FOXK1: variants seen among roughly 807,000 people sequenced by gnomAD.
FOXK1 encodes the protein forkhead box protein K1.
In FOXK1, 19 loss-of-function variants were observed where a neutral mutation model predicts 51.9. That is an observed-to-expected ratio of 0.37 (90% CI 0.26 to 0.54). The LOEUF is 0.54. Among genes scored for constraint, FOXK1 ranks in the 20% least tolerant of loss-of-function variants. The pLI, the probability that FOXK1 is intolerant of heterozygous loss-of-function variation, is 0.87. For missense variants in FOXK1, 870 were observed against 1,032.7 expected (o/e 0.84, Z 2.16); for synonymous variants, 537 against 482.6 (o/e 1.11, Z -1.48).
chr7:4,750,961 C>T (rs1438706550), intron 2 of FOXK1, among the ~76,000 whole-genome samples: 1 of 151,944 alleles, frequency 6.6e-6, no homozygotes, highest in African/African-American at 2.4e-5. Context: ...ACCTCGGCCC[C>T]CTCAAAGTGC....
At chr7:4,741,097 G>C in intron 2 of FOXK1, 74 bp downstream of exon 2, 2 of 1,084,490 alleles carry the variant, frequency 1.8e-6, no homozygotes, top group South Asian at 3.8e-5. Context: ...GTCGTACGCA[G>C]CACCGGGTTC....
rs373570479 is a variant in FOXK1 at position 4,753,952 on chromosome 7, C to T, written c.747-507C>T. Among the ~76,000 whole-genome samples the T allele has an allele frequency of 4.9e-3, 751 of 152,314 alleles. 7 individuals are homozygous for T. The highest frequency in any genetic ancestry group is 0.025 in the South Asian group (121 of 4,830). On this transcript the variant is annotated intron_variant, in intron 2 of 8. Coordinates refer to ENST00000328914, the MANE Select transcript of FOXK1 (RefSeq NM_001037165.2). This position sits in a 1 kb window ranked among gnomAD's most constrained non-coding sequence, Gnocchi z 4.9. ...GAGGGCGGTGTCTCCAGGAGAGCCA[C>T]CTGCCACGCCTTCACCCTGCAGGGC...
At chr7:4,738,805 A>G (rs1423752665) in intron 1 of FOXK1, among the ~76,000 whole-genome samples, 2 of 152,260 alleles carry the variant, frequency 1.3e-5, no homozygotes, top group African/African-American at 2.4e-5. Flanking sequence ...TCTGACCAGT[A>G]TCTCGGGGAG....
At chr7:4,706,043 CGTGTATATAT>C (rs1780097162) in intron 1 of FOXK1, among the ~76,000 whole-genome samples, 6 of 95,210 alleles carry the variant, frequency 6.3e-5, no homozygotes, top group African/African-American at 4.4e-4. Context: ...CGTGTATATA[CGTGTATATAT>C]GTATATATAT....
At chr7:4,759,706 C>G in intron 7 of FOXK1, 111 bp downstream of exon 7, 5 of 1,263,488 alleles carry the variant, frequency 4.0e-6, no homozygotes, top group Non-Finnish European at 5.4e-6. Flanking sequence ...GAGGATGATT[C>G]TCTGCTTCTG....
At chr7:4,739,073 A>T (rs1262352898) in intron 1 of FOXK1, among the ~76,000 whole-genome samples, 1 of 152,178 alleles carries the variant, frequency 6.6e-6, no homozygotes, top group East Asian at 1.9e-4. Flanking sequence ...CATATGAAAG[A>T]GGGGTGTCTG....
Position 4,733,109 on chromosome 7 carries a change from C to T in FOXK1, c.561-7729C>T, listed in dbSNP as rs572999754. On this transcript the variant is annotated intron_variant, in intron 1 of 8. Transcript: ENST00000328914. This position sits in a 1 kb window ranked among gnomAD's most constrained non-coding sequence, Gnocchi z 5.0. ...TCTTCCTGGATTCTTTCAGTTAGGA[C>T]GTAGTTTTGATTTTGCAACAAAGGT... Among the ~76,000 whole-genome samples the T allele has an allele frequency of 8.3e-4, 127 of 152,192 alleles. No individual in the cohort carries two copies. Among genetic ancestry groups the T allele is most frequent in the Non-Finnish European group, 1.6e-3 (109 of 68,018 alleles).
intron 1 of FOXK1, among the ~76,000 whole-genome samples, chr7:4,718,747 C>T (rs1160885192): frequency 1.3e-5 from 2 of 152,348 alleles, no homozygotes; most frequent in East Asian, 1.9e-4. Flanking sequence ...TCTCTGCAGC[C>T]TCACCAGCAT....
In FOXK1 at chr7:4,710,727, C is replaced by T. The variant is rs114246401; in HGVS notation, c.560+27859C>T. Among the ~76,000 whole-genome samples, 266 of 152,198 alleles carry T rather than the reference C, an allele frequency of 1.7e-3. 3 individuals carry two copies. The highest frequency in any genetic ancestry group is 6.1e-3 in the African/African-American group (252 of 41,538). On this transcript the variant is annotated intron_variant, in intron 1 of 8. Coordinates refer to ENST00000328914, the MANE Select transcript of FOXK1 (RefSeq NM_001037165.2). Reference sequence around the variant, plus strand: ...GAGGGTCACATTCAGGGCGAGGGTGCGGTGGTGGCTCTGCAGCCCCAGCGG... The same window carrying T: ...GAGGGTCACATTCAGGGCGAGGGTGTGGTGGTGGCTCTGCAGCCCCAGCGG...
chr7:4,705,118 A>C (rs1274567094), intron 1 of FOXK1, among the ~76,000 whole-genome samples: 2 of 152,122 alleles, frequency 1.3e-5, no homozygotes, highest in Non-Finnish European at 2.9e-5. Context: ...AGCATGAGCC[A>C]CTGCACCTGG....
rs192755561 is a variant in FOXK1, at chr7:4,766,182, A to G, written c.*3718A>G. ...ACCATCCCTCTTCTGCTTGCTTTCT[A>G]CATTCCTAAAAACCTCAACGTTAAT... is the stretch of plus-strand genomic sequence containing the variant. On this transcript the variant is annotated 3_prime_UTR_variant, in exon 9 of 9. Coordinates refer to ENST00000328914, the MANE Select transcript of FOXK1 (RefSeq NM_001037165.2). This position sits in a 1 kb window ranked among gnomAD's most constrained non-coding sequence, Gnocchi z 5.5. 2.0e-5 allele frequency: 3 copies of G among 152,006 alleles called. No individual in the cohort carries two copies. The highest frequency in any genetic ancestry group is 4.4e-5 in the Non-Finnish European group (3 of 67,966). 9.4% of individuals were successfully genotyped at this position (152,006 alleles called of 1,614,324 possible).
intron 1 of FOXK1, among the ~76,000 whole-genome samples, chr7:4,710,526 A>G (rs917333956): frequency 6.6e-6 from 1 of 152,182 alleles, no homozygotes; most frequent in Non-Finnish European, 1.5e-5. Context: ...AGTGAGCCTC[A>G]ATCGCGCCAC....
At chr7:4,706,065 T>C (rs1195269636) in intron 1 of FOXK1, among the ~76,000 whole-genome samples, 9 of 114,862 alleles carry the variant, frequency 7.8e-5, no homozygotes, top group African/African-American at 5.3e-4. Context: ...TATATATATG[T>C]GTATATATGT....
Position 4,692,938 on chromosome 7 carries a change from C to T in FOXK1, c.560+10070C>T, listed in dbSNP as rs189000218. 2.6e-4 allele frequency among the ~76,000 whole-genome samples: 40 copies of T among 152,046 alleles called. No homozygotes were observed. The East Asian group carries it at 7.1e-3, about 27-fold the overall frequency. ...ATTTTTGGTTGAGATGGGGTCTTGC[C>T]GCGTTTCCCTGACTGGTCTCAAACT... is the stretch of plus-strand genomic sequence containing the variant. On this transcript the variant is annotated intron_variant, in intron 1 of 8. Transcript: ENST00000328914.
Position 4,770,057 on chromosome 7 carries a change from A to G in FOXK1, c.*7593A>G, listed in dbSNP as rs889203163. On this transcript the variant is annotated 3_prime_UTR_variant, in exon 9 of 9. Transcript: ENST00000328914. Reference sequence around the variant, plus strand: ...AAAGCAGCTTCTAGAACTGGCCCCTAAGTCTCCAAATGTGTTGGCTAAGCT... The same window carrying G: ...AAAGCAGCTTCTAGAACTGGCCCCTGAGTCTCCAAATGTGTTGGCTAAGCT... The G allele has an allele frequency of 1.3e-5, 2 of 152,226 alleles. No individual in the cohort carries two copies. Among genetic ancestry groups the G allele is most frequent in the Non-Finnish European group, 2.9e-5 (2 of 68,054 alleles). The allele number at this position is 152,226 out of a possible 1,614,324, so 9.4% of individuals were successfully genotyped here. A position where few individuals can be genotyped will look rare whatever the true frequency, so the allele number is the denominator to read the frequency against.
At chr7:4,757,634 CAAAAAAAA>C (rs59200954) in intron 5 of FOXK1, among the ~76,000 whole-genome samples, 1,660 of 20,038 alleles carry the variant, frequency 0.083, 28 homozygotes, top group African/African-American at 0.12. Context: ...AACTCCGTCT[CAAAAAAAA>C]AAAAAAAAAA....
intron 1 of FOXK1, among the ~76,000 whole-genome samples, chr7:4,719,175 G>A (rs1780276956): frequency 6.8e-6 from 1 of 147,826 alleles, no homozygotes; most frequent in Non-Finnish European, 1.5e-5. Flanking sequence ...TCACTCTGTT[G>A]CCCAGCTGGA....
In FOXK1 at chr7:4,764,585, G is replaced by A; in HGVS notation, c.*2121G>A. ...GAACGGGGGGTGGGGGTTGGAGGTGGCTCCCCGACACCGGTGCCTGTGTGG... is the reference window on the plus strand; with the variant it reads ...GAACGGGGGGTGGGGGTTGGAGGTGACTCCCCGACACCGGTGCCTGTGTGG... On this transcript the variant is annotated 3_prime_UTR_variant, in exon 9 of 9. Transcript: ENST00000328914. 1 of 153,408 alleles carries A rather than the reference G, an allele frequency of 6.5e-6. No individual in the cohort carries two copies. The highest frequency in any genetic ancestry group is 1.4e-5 in the Non-Finnish European group (1 of 68,990). The allele number at this position is 153,408 out of a possible 1,614,324, so 9.5% of individuals were successfully genotyped here. A position where few individuals can be genotyped will look rare whatever the true frequency, so the allele number is the denominator to read the frequency against.
chr7:4,721,546 G>A (rs527428804), intron 1 of FOXK1, among the ~76,000 whole-genome samples: 40 of 151,794 alleles, frequency 2.6e-4, no homozygotes, highest in Non-Finnish European at 4.6e-4. Context: ...GCTCACAGAT[G>A]GCAGCCTAAG....
Sources: gnomAD v4.1 joint callset for allele counts (sites outside exome capture counted in the v4.1 genomes callset) on GRCh38, gnomAD v4.1.1 for gene constraint, Gnocchi (gnomAD v3.1) non-coding constraint, MANE v1.5 for transcripts, NCBI Gene and HGNC (gene_info 2026-07-23, HGNC 2026-07-21) for gene names.